Variants in TMEM229B observed in about 807,000 individuals in gnomAD.
The protein encoded by TMEM229B is chromosome 14 open reading frame 83.
A neutral mutation model predicts 13.7 loss-of-function variants in TMEM229B; 6 were observed. The ratio of observed to expected loss-of-function variants is 0.44; its 90% confidence interval spans 0.24 to 0.86. TMEM229B has a LOEUF of 0.86. Among genes scored for constraint, TMEM229B ranks in the 40% least tolerant of loss-of-function variants. The pLI is 0.23. For synonymous variants in TMEM229B, 107 were observed against 102.1 expected, an observed-to-expected ratio of 1.05 and a Z score of -0.29; for missense variants, 170 against 236.0, an observed-to-expected ratio of 0.72 and a Z score of 1.83.
chr14:67,490,136 C>A (rs2032107966), upstream of TMEM229B, among the ~76,000 whole-genome samples: 1 of 152,174 alleles, frequency 6.6e-6, no homozygotes, highest in Non-Finnish European at 1.5e-5. Flanking sequence ...ACTGAAACAT[C>A]CAATGTTACT....
At chr14:67,528,706 C>T (rs2033403415) in intron 1 of TMEM229B, among the ~76,000 whole-genome samples, 1 of 152,000 alleles carries the variant, frequency 6.6e-6, no homozygotes, top group Admixed American at 6.6e-5. Flanking sequence ...TCTCTCTTGC[C>T]CGTATAACCC....
intron 2 of TMEM229B, among the ~76,000 whole-genome samples, chr14:67,477,912 C>T (rs909990037): frequency 6.6e-6 from 1 of 152,210 alleles, no homozygotes; most frequent in East Asian, 1.9e-4. Flanking sequence ...CTGCCACATC[C>T]CCACCCTAAC....
intron 2 of TMEM229B, among the ~76,000 whole-genome samples, chr14:67,478,580 A>C (rs540021711): frequency 6.6e-6 from 1 of 152,202 alleles, no homozygotes; most frequent in Non-Finnish European, 1.5e-5. Context: ...CCATGAGTGG[A>C]TCTTCAACAT....
At chr14:67,518,594 T>C (rs535852903), upstream of TMEM229B, among the ~76,000 whole-genome samples, 1 of 152,368 alleles carries the variant, frequency 6.6e-6, no homozygotes, top group African/African-American at 2.4e-5. Context: ...TTTGTATCTC[T>C]AAAGTTCCTT....
At chr14:67,529,921 T>C (rs2033420781) in intron 1 of TMEM229B, among the ~76,000 whole-genome samples, 1 of 152,148 alleles carries the variant, frequency 6.6e-6, no homozygotes, top group Admixed American at 6.5e-5. Flanking sequence ...GAGAACCAGG[T>C]CCTGAAGGCA....
Position 67,473,481 on chromosome 14 carries a change from G to T in TMEM229B, c.443C>A (p.Ala148Asp). The change falls in exon 3 of 3, where the codon GCT (alanine) becomes GAT (aspartate). Residue 148 changes from alanine (A) to aspartate (D), a missense_variant. By Grantham distance (126) the Ala-to-Asp change is moderately radical. Transcript: ENST00000554480. The surrounding 1 kb of genome is among the most constrained non-coding windows in gnomAD (Gnocchi z 6.5). ...NTLRLRFDKDAEPGEPSGALA... is the reference protein window; with the variant it reads ...NTLRLRFDKDDEPGEPSGALA... Reference sequence around the variant, plus strand: ...GGCGCCGCTGGGCTCCCCGGGCTCAGCGTCCTTGTCGAAGCGGAGGCGGAG... The same window carrying T: ...GGCGCCGCTGGGCTCCCCGGGCTCATCGTCCTTGTCGAAGCGGAGGCGGAG... 6.2e-7 allele frequency: 1 copy of T among 1,614,240 alleles called. No homozygotes were observed. The highest frequency in any genetic ancestry group is 1.1e-5 in the South Asian group (1 of 91,088).
intron 1 of TMEM229B, among the ~76,000 whole-genome samples, chr14:67,496,558 A>G (rs2032390768): frequency 6.6e-6 from 1 of 151,132 alleles, no homozygotes; most frequent in Admixed American, 6.6e-5. Context: ...GGAGAGAGAA[A>G]AGCTGCTGGA....
intron 1 of TMEM229B, among the ~76,000 whole-genome samples, chr14:67,505,444 T>C (rs2032783308): frequency 6.6e-6 from 1 of 152,200 alleles, no homozygotes; most frequent in Non-Finnish European, 1.5e-5. Context: ...ACGTTGGCCA[T>C]CTGCTGTTGG....
chr14:67,525,026 G>A (rs940180469), intron 1 of TMEM229B, among the ~76,000 whole-genome samples: 15 of 152,036 alleles, frequency 9.9e-5, no homozygotes, highest in Non-Finnish European at 7.4e-5. Flanking sequence ...TCTGAATCTC[G>A]GCTTTCTACT....
chr14:67,495,416 T>A (rs1346407273), intron 1 of TMEM229B, among the ~76,000 whole-genome samples: 3 of 152,228 alleles, frequency 2.0e-5, no homozygotes, highest in African/African-American at 7.2e-5. Flanking sequence ...CTGGAGATAT[T>A]TTGACACCTG....
chr14:67,524,876 C>A (rs1008110928), intron 1 of TMEM229B, among the ~76,000 whole-genome samples: 1 of 152,282 alleles, frequency 6.6e-6, no homozygotes, highest in Admixed American at 6.5e-5. Context: ...ATTGCCATAT[C>A]TCTCCCCGGT....
chr14:67,473,264 C>A lies in TMEM229B; in HGVS notation c.*156G>T. ...ACACCTGACCACGGCCCCCCAACAC[C>A]GGCCCCCGCGGACGTTAGGGGGCTC... On this transcript the variant is annotated 3_prime_UTR_variant, in exon 3 of 3. Coordinates refer to ENST00000554480, the MANE Select transcript of TMEM229B (RefSeq NM_001348543.2). This position sits in a 1 kb window ranked among gnomAD's most constrained non-coding sequence, Gnocchi z 6.5. 1 of 1,015,572 alleles carries A rather than the reference C, an allele frequency of 9.8e-7. No individual in the cohort carries two copies. Among genetic ancestry groups the A allele is most frequent in the Non-Finnish European group, 1.4e-6 (1 of 703,962 alleles). 62.9% of individuals were successfully genotyped at this position (1,015,572 alleles called of 1,614,324 possible).
At chr14:67,522,419 G>A (rs560469874) in intron 1 of TMEM229B, among the ~76,000 whole-genome samples, 19 of 152,166 alleles carry the variant, frequency 1.2e-4, no homozygotes, top group Non-Finnish European at 2.1e-4. Flanking sequence ...AGTCGTCTGA[G>A]GGGGGACAAA....
chr14:67,487,205 A>G (rs1335489504), intron 1 of TMEM229B, 33 bp from the exon 2 acceptor site: 1 of 152,184 alleles, frequency 6.6e-6, no homozygotes, highest in Non-Finnish European at 1.5e-5. Context: ...TTATTAGCTT[A>G]AACTGCCCCC....
intron 1 of TMEM229B, among the ~76,000 whole-genome samples, chr14:67,525,333 T>C (rs748697021): frequency 1.3e-5 from 2 of 152,240 alleles, no homozygotes; most frequent in Non-Finnish European, 2.9e-5. Context: ...TGAATATCTT[T>C]CCTTGTCAAT....
chr14:67,529,099 C>T (rs2140283931), intron 1 of TMEM229B, among the ~76,000 whole-genome samples: 1 of 152,260 alleles, frequency 6.6e-6, no homozygotes, highest in South Asian at 2.1e-4. Context: ...ATAATATTTA[C>T]TAGATTCCAA....
rs901853825 is a variant in TMEM229B, at chr14:67,508,060, C to G, written c.-192+7026G>C. Among the ~76,000 whole-genome samples, 17 of 150,524 alleles carry G rather than the reference C, an allele frequency of 1.1e-4. No homozygotes were observed. In the Admixed American group the frequency reaches 1.1e-3, roughly 10 times the overall value. ...GGCTGAGGCAGGAGAATTGCTTGAA[C>G]CCGGGAGGTGGAGTTTGCTGTGAGC... On this transcript the variant is annotated intron_variant, in intron 1 of 2. Transcript: ENST00000357461.
chr14:67,521,860 T>G (rs2033295678), intron 1 of TMEM229B, among the ~76,000 whole-genome samples: 2 of 152,222 alleles, frequency 1.3e-5, no homozygotes, highest in African/African-American at 4.8e-5. Context: ...GTAAGTCTTT[T>G]AGAGGACAGA....
At position 67,480,000 on chromosome 14, in the gene TMEM229B, G is replaced by A. The variant is rs187640478; in HGVS notation, c.-18-6059C>T. ...CCACCTGTGAGACCTAATGGACGCT[G>A]CCCAACCACCCTGTGCCTCAGGGTC... On this transcript the variant is annotated intron_variant, in intron 2 of 2. Transcript: ENST00000554480. Among the ~76,000 whole-genome samples the A allele has an allele frequency of 2.2e-3, 342 of 152,278 alleles. 2 individuals carry two copies. Among genetic ancestry groups the A allele is most frequent in the African/African-American group, 8.1e-3 (337 of 41,542 alleles).
Sources: gnomAD v4.1 joint callset for allele counts (sites outside exome capture counted in the v4.1 genomes callset) on GRCh38, gnomAD v4.1.1 for gene constraint, Gnocchi (gnomAD v3.1) non-coding constraint, MANE v1.5 for transcripts, NCBI Gene and HGNC (gene_info 2026-07-23, HGNC 2026-07-21) for gene names.